Variants in OPRD1 observed in about 807,000 individuals in gnomAD.
OPRD1 encodes opioid receptor delta 1.
OPRD1 carries 19 observed loss-of-function variants against 17.5 expected under a neutral mutation model. The ratio of observed to expected loss-of-function variants is 1.09; its 90% CI spans 0.76 to 1.60. OPRD1 has a LOEUF of 1.60. Among genes scored for constraint, OPRD1 ranks in the 40% most tolerant of loss-of-function variants. The pLI, the probability that OPRD1 is intolerant of heterozygous loss-of-function variation, is 0.00. For synonymous variants in OPRD1, 256 were observed against 240.9 expected (o/e 1.06, Z -0.58); for missense variants, 483 against 547.2 (o/e 0.88, Z 1.17).
intron 1 of OPRD1, among the ~76,000 whole-genome samples, chr1:28,834,381 CTTTTTTTTT>C (rs11306242): frequency 8.2e-6 from 1 of 121,808 alleles, no homozygotes; most frequent in African/African-American, 3.1e-5. Flanking sequence ...TTCTTTTTTT[CTTTTTTTTT>C]TTTTTTTTGA....
At position 28,841,806 on chromosome 1, in the gene OPRD1, C is replaced by T. The variant is rs570604626; in HGVS notation, c.228-17148C>T. The stretch of plus-strand genomic sequence containing the variant: ...TCAGCTCACTGCAGCCTCCGCCTCC[C>T]GGGTTCAAGCGATTCTCTTGCCTCA... On this transcript the variant is annotated intron_variant, in intron 1 of 2. Coordinates refer to ENST00000234961, the MANE Select transcript of OPRD1 (RefSeq NM_000911.4). 6.6e-5 allele frequency among the ~76,000 whole-genome samples: 10 copies of T among 151,682 alleles called. No homozygotes were observed. In the South Asian group the frequency reaches 8.3e-4, roughly 13 times the overall value.
intron 1 of OPRD1, among the ~76,000 whole-genome samples, chr1:28,835,890 A>G (rs1227418500): frequency 1.3e-5 from 2 of 152,160 alleles, no homozygotes; most frequent in Non-Finnish European, 2.9e-5. Flanking sequence ...CTGAGCCTCA[A>G]CATTCCCCAC....
intron 1 of OPRD1, among the ~76,000 whole-genome samples, chr1:28,849,740 C>T (rs112203114): frequency 1.3e-5 from 2 of 152,144 alleles, no homozygotes; most frequent in Non-Finnish European, 2.9e-5. Context: ...AAATACTAAA[C>T]AAGGCTTCTT....
At chr1:28,860,768 TC>T (rs963630319) in intron 2 of OPRD1, among the ~76,000 whole-genome samples, 2 of 152,164 alleles carry the variant, frequency 1.3e-5, no homozygotes, top group African/African-American at 4.8e-5. Context: ...TGTTACTCCT[TC>T]TAGTCCCTTT....
chr1:28,868,839 G>GAA lies in OPRD1; in HGVS notation c.*5569_*5570dup, dbSNP rs11309876. The GAA allele has an allele frequency of 1.4e-5, 2 of 141,386 alleles. No homozygotes were observed. Among genetic ancestry groups the GAA allele is most frequent in the East Asian group, 2.0e-4 (1 of 4,892 alleles). The allele number at this position is 141,386 out of a possible 1,614,324, so 8.8% of individuals were successfully genotyped here. On this transcript the variant is annotated 3_prime_UTR_variant, in exon 3 of 3. Coordinates refer to ENST00000234961, the MANE Select transcript of OPRD1 (RefSeq NM_000911.4). ...TGGGCGACAGAGCGAGACTCTGTCTGAAAAAAAAAAAAAATTAAAAAGAAA... is the reference window on the plus strand; with the variant it reads ...TGGGCGACAGAGCGAGACTCTGTCTGAAAAAAAAAAAAAAAATTAAAAAGAAA...
At chr1:28,841,640 C>G (rs1457593852) in intron 1 of OPRD1, among the ~76,000 whole-genome samples, 1 of 152,132 alleles carries the variant, frequency 6.6e-6, no homozygotes, top group Admixed American at 6.6e-5. Flanking sequence ...TGACACCTTG[C>G]ACAAAGGAAG....
chr1:28,839,390 CCTTAA>C (rs376060866), intron 1 of OPRD1, among the ~76,000 whole-genome samples: 1 of 152,188 alleles, frequency 6.6e-6, no homozygotes, highest in South Asian at 2.1e-4. Context: ...GGCTTGAGAT[CCTTAA>C]CTTAATTATG....
intron 1 of OPRD1, among the ~76,000 whole-genome samples, chr1:28,826,512 T>C (rs1179067968): frequency 1.3e-5 from 2 of 151,462 alleles, no homozygotes; most frequent in African/African-American, 4.9e-5. Flanking sequence ...CCAGACCCTG[T>C]CTCAAAAAAA....
intron 2 of OPRD1, 29 bp downstream of exon 2, chr1:28,859,332 G>A (rs368731137): frequency 1.9e-6 from 3 of 1,580,908 alleles, no homozygotes; most frequent in South Asian, 2.3e-5. Flanking sequence ...CATGGCACAG[G>A]CCACTGACCA....
chr1:28,816,745 G>A (rs537560262), intron 1 of OPRD1, among the ~76,000 whole-genome samples: 3 of 152,220 alleles, frequency 2.0e-5, no homozygotes, highest in South Asian at 4.1e-4. Flanking sequence ...GGATGCCCTG[G>A]TCCTCAGAGC....
chr1:28,863,596 A>AG lies in OPRD1; in HGVS notation c.*314dup. 3.0e-6 allele frequency: 1 copy of AG among 335,758 alleles called. No homozygotes were observed. Among genetic ancestry groups the AG allele is most frequent in the Non-Finnish European group, 5.4e-6 (1 of 186,398 alleles). The allele number at this position is 335,758 out of a possible 1,614,324, so 20.8% of individuals were successfully genotyped here. A position where few individuals can be genotyped will look rare whatever the true frequency, so the allele number is the denominator to read the frequency against. ...AGCGGGACCTGTGGCTCTACAACTG[A>AG]GTCCTTAAACAGGGCATCTCCAGGA... On this transcript the variant is annotated 3_prime_UTR_variant, in exon 3 of 3. Transcript: ENST00000234961.
intron 1 of OPRD1, among the ~76,000 whole-genome samples, chr1:28,854,419 G>A (rs913451285): frequency 6.6e-6 from 1 of 150,952 alleles, no homozygotes; most frequent in African/African-American, 2.4e-5. Context: ...ACAGTGTCTT[G>A]CTGTGTTGCC....
intron 1 of OPRD1, among the ~76,000 whole-genome samples, chr1:28,844,768 A>G (rs2088925277): frequency 6.6e-6 from 1 of 151,992 alleles, no homozygotes; most frequent in Non-Finnish European, 1.5e-5. Flanking sequence ...AGGGGGTGAC[A>G]GAGTCTCACT....
At chr1:28,826,890 T>C (rs1300915693) in intron 1 of OPRD1, among the ~76,000 whole-genome samples, 1 of 152,258 alleles carries the variant, frequency 6.6e-6, no homozygotes, top group African/African-American at 2.4e-5. Context: ...GTCAGTCCTC[T>C]CAAATCCTAT....
chr1:28,850,827 AT>A (rs1372445606), intron 1 of OPRD1, among the ~76,000 whole-genome samples: 2 of 132,898 alleles, frequency 1.5e-5, no homozygotes, highest in South Asian at 2.2e-4. Context: ...AATAATAATA[AT>A]AATAAAAGGT....
Position 28,867,841 on chromosome 1 carries a change from C to T in OPRD1, c.*4558C>T, listed in dbSNP as rs570509250. 6.6e-6 allele frequency: 1 copy of T among 152,422 alleles called. No homozygotes were observed. Among genetic ancestry groups the T allele is most frequent in the Admixed American group, 6.5e-5 (1 of 15,298 alleles). 9.4% of individuals were successfully genotyped at this position (152,422 alleles called of 1,614,324 possible). ...CATGGTAAGTGGCAGTCACTGCTTA[C>T]AAGTGGAGCCAGGGTTCAGGGTCAG... On this transcript the variant is annotated 3_prime_UTR_variant, in exon 3 of 3. Transcript: ENST00000234961.
intron 1 of OPRD1, among the ~76,000 whole-genome samples, chr1:28,848,977 A>T (rs1025698494): frequency 3.3e-5 from 5 of 152,202 alleles, no homozygotes; most frequent in Non-Finnish European, 7.3e-5. Context: ...TGTATCCTGC[A>T]CAACCAGATG....
intron 1 of OPRD1, among the ~76,000 whole-genome samples, chr1:28,844,839 GGTTCAAGC>G (rs1367271847): frequency 2.6e-5 from 4 of 152,006 alleles, no homozygotes; most frequent in African/African-American, 9.7e-5. Flanking sequence ...CCACCTCCCA[GGTTCAAGC>G]GATTCTTGTG....
At chr1:28,849,459 C>T (rs555060058) in intron 1 of OPRD1, among the ~76,000 whole-genome samples, 1 of 152,254 alleles carries the variant, frequency 6.6e-6, no homozygotes, top group African/African-American at 2.4e-5. Context: ...ACAGTGAAGC[C>T]CACCAGTTGA....
Sources: gnomAD v4.1 joint callset for allele counts (sites outside exome capture counted in the v4.1 genomes callset) on GRCh38, gnomAD v4.1.1 for gene constraint, MANE v1.5 for transcripts, NCBI Gene and HGNC (gene_info 2026-07-23, HGNC 2026-07-21) for gene names.